The following METTL8 variants were observed in gnomAD, a reference collection of about 807,000 sequenced individuals.
METTL8 encodes the protein methyltransferase 8, tRNA N3-cytidine, also known as tRNA N(3)-cytidine methyltransferase METTL8, mitochondrial.
In METTL8, 32 loss-of-function variants were observed where a neutral mutation model predicts 48.7. The observed-to-expected ratio is 0.66, with a 90% CI of 0.50 to 0.88. The LOEUF (loss-of-function observed/expected upper bound fraction) is 0.88. METTL8 is among the 40% of genes least tolerant of loss of function. The probability of loss-of-function intolerance (pLI) is 0.00; values close to 1 mark genes in which losing one functional copy is unlikely to be tolerated. For synonymous variants in METTL8, 136 were observed against 157.1 expected (o/e 0.87, Z 1.01); for missense variants, 464 against 474.4 (o/e 0.98, Z 0.20).
At chr2:171,370,422 G>A (rs2105499310) in intron 2 of METTL8, among the ~76,000 whole-genome samples, 1 of 152,216 alleles carries the variant, frequency 6.6e-6, no homozygotes, top group South Asian at 2.1e-4. Context: ...CTATAGGTTA[G>A]CCCTGATGTA....
chr2:171,367,695 CAAT>C (rs1685866465), intron 2 of METTL8, among the ~76,000 whole-genome samples: 2 of 152,060 alleles, frequency 1.3e-5, no homozygotes, highest in Admixed American at 1.3e-4. Context: ...AAAGTAAAAA[CAAT>C]GATTATAGCA....
At chr2:171,376,420 C>A (rs539129128) in intron 2 of METTL8, among the ~76,000 whole-genome samples, 1 of 151,952 alleles carries the variant, frequency 6.6e-6, no homozygotes, top group Non-Finnish European at 1.5e-5. Context: ...CACTGTTCAC[C>A]GATGATATAA....
Position 171,322,849 on chromosome 2 carries a change from T to A in METTL8, c.*1323A>T, listed in dbSNP as rs1684599513. On this transcript the variant is annotated 3_prime_UTR_variant, in exon 10 of 10. Transcript: ENST00000375258. Reference sequence around the variant, plus strand: ...CATTTTTAAGGTTATTTCTTGATTATATGCTACACAAGGGGTGGATTATTC... The same window carrying A: ...CATTTTTAAGGTTATTTCTTGATTAAATGCTACACAAGGGGTGGATTATTC... 1 of 152,226 alleles carries A rather than the reference T, an allele frequency of 6.6e-6. No individual in the cohort carries two copies. Among genetic ancestry groups the A allele is most frequent in the Non-Finnish European group, 1.5e-5 (1 of 68,044 alleles). 9.4% of individuals were successfully genotyped at this position (152,226 alleles called of 1,614,324 possible). A position where few individuals can be genotyped will look rare whatever the true frequency, so the allele number is the denominator to read the frequency against.
At chr2:171,361,974 AG>A (rs1212743721) in intron 2 of METTL8, among the ~76,000 whole-genome samples, 3 of 152,088 alleles carry the variant, frequency 2.0e-5, no homozygotes, top group African/African-American at 7.3e-5. Context: ...GTTTGGGTTC[AG>A]GTTAGGAGGA....
At chr2:171,333,107 T>C (rs942617794) in intron 5 of METTL8, among the ~76,000 whole-genome samples, 9 of 151,580 alleles carry the variant, frequency 5.9e-5, no homozygotes, top group Non-Finnish European at 8.8e-5. Flanking sequence ...TTTCTTTTTT[T>C]TTTTTGAGAC....
intron 1 of METTL8, chr2:171,433,017 G>A (rs889067845): frequency 6.6e-6 from 1 of 152,182 alleles, no homozygotes; most frequent in African/African-American, 2.4e-5. Flanking sequence ...AAGTAAGATA[G>A]TTATTTACCT....
At chr2:171,361,463 G>A (rs562156669) in intron 2 of METTL8, among the ~76,000 whole-genome samples, 9 of 152,116 alleles carry the variant, frequency 5.9e-5, no homozygotes. Context: ...CAATTTTCTT[G>A]GAAGTGCATC....
intron 1 of METTL8, among the ~76,000 whole-genome samples, chr2:171,430,410 T>C (rs547355941): frequency 6.6e-6 from 1 of 151,668 alleles, no homozygotes; most frequent in African/African-American, 2.4e-5. Flanking sequence ...AGGGGAGGGA[T>C]AGCATTAGGA....
intron 3 of METTL8, among the ~76,000 whole-genome samples, chr2:171,350,278 C>CA (rs1183097040): frequency 6.6e-6 from 1 of 152,194 alleles, no homozygotes; most frequent in Non-Finnish European, 1.5e-5. Context: ...CACGTCCCTA[C>CA]AAAGGACATG....
At chr2:171,415,261 G>A (rs1691189757) in intron 1 of METTL8, among the ~76,000 whole-genome samples, 3 of 151,952 alleles carry the variant, frequency 2.0e-5, no homozygotes, top group African/African-American at 7.3e-5. Flanking sequence ...ATATGCATAG[G>A]GAAAGTCTAG....
upstream of METTL8, chr2:171,434,151 C>T (rs556306122): frequency 1.1e-5 from 4 of 349,460 alleles, no homozygotes; most frequent in East Asian, 1.7e-4. Flanking sequence ...CCGGAGGAGG[C>T]GGGGCCGCGG....
Position 171,382,669 on chromosome 2 carries a change from T to C in METTL8, c.143+9374A>G, listed in dbSNP as rs189549235. On this transcript the variant is annotated intron_variant, in intron 2 of 9. Coordinates refer to ENST00000375258, the MANE Select transcript of METTL8 (RefSeq NM_001321154.2). ...CAAACCACCATGGCACATGTATGCC[T>C]ATGTAACAAACCTGCACATTCTGCA... Among the ~76,000 whole-genome samples, 304 of 151,906 alleles carry C rather than the reference T, an allele frequency of 2.0e-3. 3 individuals carry two copies. The highest frequency in any genetic ancestry group is 6.8e-3 in the African/African-American group (282 of 41,386).
At chr2:171,350,884 T>G (rs1683839218) in intron 3 of METTL8, among the ~76,000 whole-genome samples, 1 of 152,216 alleles carries the variant, frequency 6.6e-6, no homozygotes, top group Non-Finnish European at 1.5e-5. Flanking sequence ...GATGGGTAGA[T>G]TGCAAAAATT....
At chr2:171,373,467 A>G (rs1686596700) in intron 2 of METTL8, among the ~76,000 whole-genome samples, 1 of 152,206 alleles carries the variant, frequency 6.6e-6, no homozygotes, top group Non-Finnish European at 1.5e-5. Context: ...TTTGCTGTGC[A>G]GAAGCTCTTT....
intron 3 of METTL8, among the ~76,000 whole-genome samples, chr2:171,343,488 A>C (rs993900611): frequency 1.3e-5 from 2 of 151,810 alleles, no homozygotes; most frequent in Non-Finnish European, 2.9e-5. Context: ...ATAAAGGAAA[A>C]TAATATTAAG....
At chr2:171,337,816 A>C (rs1007034072) in intron 4 of METTL8, among the ~76,000 whole-genome samples, 3 of 152,052 alleles carry the variant, frequency 2.0e-5, no homozygotes, top group Admixed American at 1.3e-4. Flanking sequence ...AAAACAGATA[A>C]GCAGAGAAAA....
intron 2 of METTL8, among the ~76,000 whole-genome samples, chr2:171,373,494 A>G (rs1298926038): frequency 6.6e-6 from 1 of 152,014 alleles, no homozygotes; most frequent in Non-Finnish European, 1.5e-5. Context: ...ATTAGATCAC[A>G]TTTGTCAATT....
At chr2:171,360,269 G>A (rs976197866) in intron 3 of METTL8, among the ~76,000 whole-genome samples, 153 bp downstream of exon 3, 7 of 152,030 alleles carry the variant, frequency 4.6e-5, no homozygotes, top group Admixed American at 1.3e-4. Flanking sequence ...CATTAACTTT[G>A]GTCCCACTAC....
chr2:171,354,903 G>A (rs1271358145), intron 3 of METTL8, among the ~76,000 whole-genome samples: 2 of 151,954 alleles, frequency 1.3e-5, no homozygotes, highest in African/African-American at 4.8e-5. Context: ...CAATGGGCTC[G>A]AACATCCTCC....
Sources: allele counts gnomAD v4.1 joint callset (sites outside exome capture counted in the v4.1 genomes callset), GRCh38; gene constraint gnomAD v4.1.1; transcripts MANE v1.5; gene names NCBI Gene and HGNC (gene_info 2026-07-23, HGNC 2026-07-21).